Variants in EVL observed in about 807,000 individuals in gnomAD.
EVL encodes the protein Enah/Vasp-like, also known as ena/VASP-like protein.
In EVL, 21 loss-of-function variants were observed where a neutral mutation model predicts 59.6. The observed-to-expected ratio is 0.35, with a 90% CI of 0.25 to 0.51. EVL has a LOEUF of 0.51. EVL is among the 20% of genes least tolerant of loss of function. EVL has a pLI of 0.97. For missense variants in EVL, 462 were observed against 546.6 expected (o/e 0.85, Z 1.54); for synonymous variants, 198 against 203.5 (o/e 0.97, Z 0.23).
intron 1 of EVL, among the ~76,000 whole-genome samples, chr14:99,989,483 A>G (rs1257139989): frequency 1.3e-5 from 2 of 152,192 alleles, no homozygotes; most frequent in African/African-American, 4.8e-5. Context: ...CCATATCTTT[A>G]TAATAAAGTC....
chr14:100,116,680 C>T (rs1167134884), intron 3 of EVL, among the ~76,000 whole-genome samples: 1 of 152,038 alleles, frequency 6.6e-6, no homozygotes, highest in Non-Finnish European at 1.5e-5. Flanking sequence ...GAGGATGGAT[C>T]GCAGAGCAGG....
At chr14:100,125,320 G>A (rs925060338) in intron 4 of EVL, among the ~76,000 whole-genome samples, 4 of 151,332 alleles carry the variant, frequency 2.6e-5, no homozygotes, top group Admixed American at 6.6e-5. Context: ...CTTGTCCCAC[G>A]CAACTTTACT....
intron 1 of EVL, among the ~76,000 whole-genome samples, chr14:100,054,372 G>A (rs908355882): frequency 5.9e-5 from 9 of 152,066 alleles, no homozygotes; most frequent in South Asian, 4.1e-4. Context: ...ACATCTTTAC[G>A]CGGCCATGTT....
intron 1 of EVL, among the ~76,000 whole-genome samples, chr14:100,044,971 A>G (rs1012774715): frequency 1.3e-5 from 2 of 152,168 alleles, no homozygotes; most frequent in African/African-American, 4.8e-5. Flanking sequence ...AAATAAATAA[A>G]GAAATAAATA....
intron 1 of EVL, among the ~76,000 whole-genome samples, chr14:99,993,969 C>T (rs1199205117): frequency 1.3e-5 from 2 of 151,888 alleles, no homozygotes; most frequent in Admixed American, 1.3e-4. Flanking sequence ...GTTGGGATTA[C>T]AGGTGTGAGC....
chr14:100,025,974 G>GGC (rs1453271211), intron 1 of EVL, among the ~76,000 whole-genome samples: 1 of 152,046 alleles, frequency 6.6e-6, no homozygotes, highest in Non-Finnish European at 1.5e-5. Context: ...GCTGTGGTGG[G>GGC]GCACAGTGGC....
At chr14:100,062,716 T>A (rs1349391992), upstream of EVL, among the ~76,000 whole-genome samples, 1 of 152,110 alleles carries the variant, frequency 6.6e-6, no homozygotes, top group Non-Finnish European at 1.5e-5. Flanking sequence ...AATACAAAGA[T>A]ACAAATCGAC....
chr14:100,021,389 G>A (rs904784642), intron 1 of EVL, among the ~76,000 whole-genome samples: 21 of 152,324 alleles, frequency 1.4e-4, no homozygotes, highest in Non-Finnish European at 2.9e-4. Context: ...GTTACCTCTT[G>A]CTTCAAGCTT....
At chr14:100,053,810 A>G (rs1423210933) in intron 1 of EVL, among the ~76,000 whole-genome samples, 2 of 151,982 alleles carry the variant, frequency 1.3e-5, no homozygotes, top group East Asian at 3.9e-4. Context: ...TACTGCACCC[A>G]GCTAATTTTT....
At chr14:100,058,120 T>C (rs1300134988) in intron 1 of EVL, among the ~76,000 whole-genome samples, 2 of 152,222 alleles carry the variant, frequency 1.3e-5, no homozygotes, top group Admixed American at 6.5e-5. Flanking sequence ...CAGAAGAAAG[T>C]TGACTTTCCC....
intron 1 of EVL, among the ~76,000 whole-genome samples, chr14:100,069,572 G>A (rs1344505726): frequency 6.6e-6 from 1 of 152,150 alleles, no homozygotes. Flanking sequence ...CACTCTCCAT[G>A]GGAACCCGCA....
intron 2 of EVL, among the ~76,000 whole-genome samples, chr14:100,091,542 G>A (rs1379325784): frequency 6.6e-6 from 1 of 152,126 alleles, no homozygotes; most frequent in Non-Finnish European, 1.5e-5. Context: ...GGTTCCTGGA[G>A]GGGGGGCAGG....
intron 1 of EVL, among the ~76,000 whole-genome samples, chr14:100,036,880 AT>A (rs879431630): frequency 2.0e-5 from 3 of 152,138 alleles, no homozygotes; most frequent in Non-Finnish European, 4.4e-5. Context: ...GCCTTTAAGG[AT>A]GTAATTAAGG....
chr14:100,119,537 C>T (rs963713468), intron 3 of EVL, among the ~76,000 whole-genome samples: 4 of 152,210 alleles, frequency 2.6e-5, no homozygotes, highest in South Asian at 2.1e-4. Flanking sequence ...AGCGCTCCAC[C>T]GAGGGGACCA....
chr14:99,983,319 C>T (rs2140172202), intron 1 of EVL, among the ~76,000 whole-genome samples: 1 of 152,222 alleles, frequency 6.6e-6, no homozygotes, highest in South Asian at 2.1e-4. Flanking sequence ...TACCAGAAAA[C>T]TTAGGTTAAG....
At chr14:99,991,888 C>T (rs1033055669) in intron 1 of EVL, among the ~76,000 whole-genome samples, 46 of 147,098 alleles carry the variant, frequency 3.1e-4, no homozygotes, top group Non-Finnish European at 4.5e-4. Flanking sequence ...CAAAGTTATA[C>T]ATAAATATTC....
chr14:100,128,761 G>A lies in EVL; in HGVS notation c.717+13G>A, dbSNP rs753644754. 6.3e-7 allele frequency: 1 copy of A among 1,599,830 alleles called. No homozygotes were observed. The highest frequency in any genetic ancestry group is 1.7e-5 in the Admixed American group (1 of 59,934). On this transcript the variant is annotated intron_variant, in intron 6 of 13. Coordinates refer to ENST00000392920, the MANE Select transcript of EVL (RefSeq NM_016337.3). ...AAGAGTCCAACGGGTAAGAGCTCCT[G>A]TGTGCGGGGTGGGAATGGGACCGAG...
At chr14:100,048,864 C>A (rs1202733252) in intron 1 of EVL, among the ~76,000 whole-genome samples, 1 of 152,178 alleles carries the variant, frequency 6.6e-6, no homozygotes, top group Admixed American at 6.5e-5. Context: ...TTGTATGATT[C>A]TATTAACATG....
At chr14:100,001,661 A>G (rs1478672815) in intron 1 of EVL, among the ~76,000 whole-genome samples, 2 of 152,240 alleles carry the variant, frequency 1.3e-5, no homozygotes, top group Admixed American at 1.3e-4. Flanking sequence ...ACTATGAGTC[A>G]GGTGAATTTT....
Sources: allele counts gnomAD v4.1 joint callset (sites outside exome capture counted in the v4.1 genomes callset), GRCh38; gene constraint gnomAD v4.1.1; transcripts MANE v1.5; gene names NCBI Gene and HGNC (gene_info 2026-07-23, HGNC 2026-07-21).